Variants in FGF13 observed in about 807,000 individuals in gnomAD.
The protein encoded by FGF13 is fibroblast growth factor homologous factor 2.
FGF13 carries 2 observed loss-of-function variants against 19.5 expected under a neutral mutation model. The ratio of observed to expected loss-of-function variants is 0.10; its 90% CI spans 0.04 to 0.32. The LOEUF (loss-of-function observed/expected upper bound fraction) is 0.32, where lower values mean the gene tolerates loss of function less well. FGF13 is among the 10% of genes least tolerant of loss of function. FGF13 has a pLI of 1.00. For synonymous variants in FGF13, 72 were observed against 76.9 expected (o/e 0.94, Z 0.33); for missense variants, 113 against 192.7 (o/e 0.59, Z 2.45).
Position 138,828,569 on chromosome X carries a change from C to CAAA in FGF13, c.217+28940_217+28942dup, listed in dbSNP as rs11351814. Among the ~76,000 whole-genome samples the CAAA allele has an allele frequency of 2.4e-3, 116 of 48,051 alleles. 2 individuals are homozygous for CAAA. The highest frequency in any genetic ancestry group is 7.5e-3 in the African/African-American group (99 of 13,216). 41.7% of individuals were successfully genotyped at this position (48,051 alleles called of 115,157 possible). On this transcript the variant is annotated intron_variant, in intron 3 of 6. Coordinates refer to the FGF13 transcript ENST00000436198. ...TGGGCGACAGAGCGAGACTCCGTCT[C>CAAA]AAAAAAAAAAAAAAAAAAATCTCCA...
chrX:139,028,616 TGAGA>T (rs769711673), intron 1 of FGF13, among the ~76,000 whole-genome samples: 11 of 74,308 alleles, frequency 1.5e-4, no homozygotes, highest in South Asian at 1.6e-3. Flanking sequence ...TGTGTGTGTG[TGAGA>T]GAGAGAGAGA....
intron 1 of FGF13, among the ~76,000 whole-genome samples, chrX:138,723,032 C>T (rs540532493): frequency 4.5e-5 from 5 of 111,597 alleles, no homozygotes; most frequent in African/African-American, 6.5e-5. Flanking sequence ...AGAAAAGATA[C>T]GACGAGATTA....
intron 3 of FGF13, among the ~76,000 whole-genome samples, chrX:138,849,463 A>G (rs771371667): frequency 7.7e-4 from 87 of 112,275 alleles, no homozygotes; most frequent in African/African-American, 2.7e-3. Flanking sequence ...CTCTTCAACC[A>G]GGCAAGTGAA....
chrX:138,796,116 C>G (rs751012345), intron 3 of FGF13, among the ~76,000 whole-genome samples: 5 of 110,051 alleles, frequency 4.5e-5, no homozygotes, highest in Admixed American at 9.7e-5. Context: ...AGGTTTGTTA[C>G]ATGGGTATAC....
chrX:138,861,246 C>A (rs763545678), intron 2 of FGF13, among the ~76,000 whole-genome samples: 3 of 111,837 alleles, frequency 2.7e-5, no homozygotes, highest in South Asian at 7.6e-4. Flanking sequence ...AGCCTGCTGA[C>A]CTGGCCTAAC....
intron 1 of FGF13, among the ~76,000 whole-genome samples, chrX:139,090,527 C>A: frequency 9.0e-6 from 1 of 111,140 alleles, no homozygotes; most frequent in Admixed American, 9.6e-5. Context: ...TAGAGATTAT[C>A]TCATCACTCA....
intron 3 of FGF13, among the ~76,000 whole-genome samples, chrX:138,664,558 T>TGA (rs3831715): frequency 0.21 from 21,403 of 104,110 alleles, 1,973 homozygotes; most frequent in East Asian, 0.48. Context: ...TTTGCATGTG[T>TGA]GAGAGAGAGA....
intron 1 of FGF13, among the ~76,000 whole-genome samples, chrX:138,890,886 T>C (rs1861645500): frequency 8.9e-6 from 1 of 112,321 alleles, no homozygotes; most frequent in African/African-American, 3.2e-5. Context: ...GTTTCTGTGA[T>C]TGGTATTATT....
At chrX:138,863,001 C>T (rs138373862) in intron 2 of FGF13, among the ~76,000 whole-genome samples, 1,714 of 110,498 alleles carry the variant, frequency 0.016, 25 homozygotes, top group African/African-American at 0.052. Flanking sequence ...TTCTGGCTCA[C>T]GTTAGCTTTC....
intron 1 of FGF13, among the ~76,000 whole-genome samples, chrX:139,009,083 C>T (rs1449378313): frequency 9.0e-6 from 1 of 111,447 alleles, no homozygotes; most frequent in Admixed American, 9.5e-5. Flanking sequence ...TAGAATCGAA[C>T]AAGCAGAACC....
At chrX:138,908,639 A>T (rs1434196605) in intron 1 of FGF13, among the ~76,000 whole-genome samples, 1 of 111,029 alleles carries the variant, frequency 9.0e-6, no homozygotes, top group African/African-American at 3.3e-5. Context: ...AAAACACACA[A>T]TTTAAAGAGC....
At chrX:138,961,849 G>A (rs2091872157) in intron 1 of FGF13, among the ~76,000 whole-genome samples, 1 of 111,567 alleles carries the variant, frequency 9.0e-6, no homozygotes, top group Non-Finnish European at 1.9e-5. Context: ...AATTCAAGAT[G>A]GATTAAAGAC....
chrX:138,880,562 T>A (rs916490610), intron 1 of FGF13, among the ~76,000 whole-genome samples: 1 of 111,777 alleles, frequency 8.9e-6, no homozygotes, highest in African/African-American at 3.3e-5. Flanking sequence ...ACCATCATTC[T>A]CAGCAAACTA....
At chrX:138,884,247 A>G (rs1470811093) in intron 1 of FGF13, among the ~76,000 whole-genome samples, 4 of 112,126 alleles carry the variant, frequency 3.6e-5, no homozygotes, top group Admixed American at 9.5e-5. Context: ...GTTTTGTGAA[A>G]GGGAGAATCA....
At chrX:138,703,744 C>T (rs2089969219) in intron 2 of FGF13, among the ~76,000 whole-genome samples, 1 of 112,314 alleles carries the variant, frequency 8.9e-6, no homozygotes, top group South Asian at 3.7e-4. Context: ...GACAGAGTTT[C>T]GCTCTTGTTT....
intron 1 of FGF13, among the ~76,000 whole-genome samples, chrX:138,865,683 G>A (rs2091319447): frequency 9.0e-6 from 1 of 111,172 alleles, no homozygotes; most frequent in African/African-American, 3.3e-5. Context: ...CCACCAAGGT[G>A]GTCTGCTCAG....
chrX:139,129,277 T>A (rs1171981761), intron 1 of FGF13, among the ~76,000 whole-genome samples: 1 of 109,954 alleles, frequency 9.1e-6, no homozygotes, highest in Admixed American at 9.8e-5. Context: ...GATATATTCA[T>A]CACATATTAC....
intron 1 of FGF13, among the ~76,000 whole-genome samples, chrX:139,059,860 T>C (rs1272764400): frequency 2.7e-5 from 3 of 111,890 alleles, no homozygotes; most frequent in Non-Finnish European, 5.6e-5. Context: ...ATGTCTCCTG[T>C]ATACACATGC....
At chrX:138,932,703 A>AGTGTGT (rs57793547) in intron 1 of FGF13, among the ~76,000 whole-genome samples, 18,997 of 90,044 alleles carry the variant, frequency 0.21, 1,829 homozygotes, top group East Asian at 0.36. Context: ...TCAGGAGTGT[A>AGTGTGT]GTGTGTGTGT....
Sources: gnomAD v4.1 joint callset for allele counts (sites outside exome capture counted in the v4.1 genomes callset) on GRCh38, gnomAD v4.1.1 for gene constraint, MANE v1.5 for transcripts, NCBI Gene and HGNC (gene_info 2026-07-23, HGNC 2026-07-21) for gene names.